MPPED2: variants seen among roughly 807,000 people sequenced by gnomAD.
The protein encoded by MPPED2 is metallophosphoesterase domain containing 2.
Under a neutral mutation model 33.0 loss-of-function variants are expected in MPPED2, and 5 were observed. The ratio of observed to expected loss-of-function variants is 0.15; its 90% CI spans 0.08 to 0.32. The LOEUF (loss-of-function observed/expected upper bound fraction) is 0.32, where lower values mean the gene tolerates loss of function less well. Among genes scored for constraint, MPPED2 ranks in the 10% least tolerant of loss-of-function variants. The probability of loss-of-function intolerance (pLI) is 1.00; values close to 1 mark genes in which losing one functional copy is unlikely to be tolerated. For synonymous variants in MPPED2, 136 were observed against 141.9 expected, an observed-to-expected ratio of 0.96 and a Z score of 0.29; for missense variants, 275 against 372.1, an observed-to-expected ratio of 0.74 and a Z score of 2.15.
intron 4 of MPPED2, among the ~76,000 whole-genome samples, chr11:30,440,949 A>G (rs1427357363): frequency 6.6e-6 from 1 of 152,204 alleles, no homozygotes; most frequent in African/African-American, 2.4e-5. Context: ...CATATATGTG[A>G]AATGCTGAGT....
intron 3 of MPPED2, among the ~76,000 whole-genome samples, chr11:30,535,575 T>C (rs1954765797): frequency 1.3e-5 from 2 of 152,186 alleles, no homozygotes; most frequent in Non-Finnish European, 2.9e-5. Context: ...AGGACTTTTA[T>C]AACCCCTTCA....
In MPPED2 at chr11:30,473,330, T is replaced by A. The variant is rs77165354; in HGVS notation, c.536+21966A>T. ...TAACAGTTTCGGTTTTGTCTTTTTA[T>A]CTGGTTTGCATTAGTAACCATGAAC... On this transcript the variant is annotated intron_variant, in intron 4 of 6. Coordinates refer to ENST00000358117, the MANE Select transcript of MPPED2 (RefSeq NM_001584.3). 5.6e-3 allele frequency among the ~76,000 whole-genome samples: 856 copies of A among 152,310 alleles called. 21 individuals are homozygous for A. The East Asian group carries it at 0.061, about 11-fold the overall frequency.
In MPPED2 at chr11:30,410,755, T is replaced by G; in HGVS notation, c.*713A>C. On this transcript the variant is annotated 3_prime_UTR_variant, in exon 7 of 7. Coordinates refer to ENST00000358117, the MANE Select transcript of MPPED2 (RefSeq NM_001584.3). The stretch of plus-strand genomic sequence containing the variant: ...TGAAAAGGAGTCTGCATGTTCATTT[T>G]TTTAACCGTATGAAATACCTGCTCT... 1 of 985,030 alleles carries G rather than the reference T, an allele frequency of 1.0e-6. No individual in the cohort carries two copies. The highest frequency in any genetic ancestry group is 1.2e-6 in the Non-Finnish European group (1 of 829,154). The allele number at this position is 985,030 out of a possible 1,614,324, so 61.0% of individuals were successfully genotyped here.
chr11:30,571,129 T>TC lies in MPPED2; in HGVS notation c.128+9116dup, dbSNP rs534841360. On this transcript the variant is annotated intron_variant, in intron 2 of 6. Coordinates refer to ENST00000358117, the MANE Select transcript of MPPED2 (RefSeq NM_001584.3). ...TGAAAAAGTTATCTGTTCCCTATAT[T>TC]CCATGGTGATGTTAGCTTTCTTTTT... Among the ~76,000 whole-genome samples the TC allele has an allele frequency of 3.1e-3, 465 of 151,896 alleles. 4 individuals carry two copies. The highest frequency in any genetic ancestry group is 4.5e-3 in the Non-Finnish European group (309 of 67,934).
intron 4 of MPPED2, chr11:30,429,358 G>T (rs1948980825): frequency 1.3e-5 from 2 of 152,290 alleles, no homozygotes; most frequent in Admixed American, 1.3e-4. Flanking sequence ...TGACAAGGAG[G>T]TCAGATGTAA....
At chr11:30,551,954 C>T (rs1400724145) in intron 2 of MPPED2, among the ~76,000 whole-genome samples, 1 of 152,152 alleles carries the variant, frequency 6.6e-6, no homozygotes. Flanking sequence ...TCTGCCTCTG[C>T]AAAATTTCTC....
At chr11:30,388,929 A>C in exon 7 of MPPED2, 1 of 1,566,234 alleles carries the variant, frequency 6.4e-7, no homozygotes, top group Admixed American at 1.9e-5. Flanking sequence ...TTTTGTCCTC[A>C]GTGCCTTGGA....
At chr11:30,506,449 A>G (rs1952831350) in intron 3 of MPPED2, among the ~76,000 whole-genome samples, 1 of 152,256 alleles carries the variant, frequency 6.6e-6, no homozygotes, top group Admixed American at 6.5e-5. Flanking sequence ...TTTAATAAAT[A>G]TCTTTAATAA....
At chr11:30,476,085 G>A (rs1951181318) in intron 4 of MPPED2, among the ~76,000 whole-genome samples, 1 of 151,732 alleles carries the variant, frequency 6.6e-6, no homozygotes, top group Non-Finnish European at 1.5e-5. Context: ...ATTTTTTATT[G>A]GGGTGTTTGT....
intron 4 of MPPED2, among the ~76,000 whole-genome samples, chr11:30,462,936 A>G (rs1425638865): frequency 6.6e-6 from 1 of 152,220 alleles, no homozygotes; most frequent in Non-Finnish European, 1.5e-5. Flanking sequence ...CAGAAGGGGA[A>G]CAGTTGGGAA....
intron 4 of MPPED2, among the ~76,000 whole-genome samples, chr11:30,491,421 C>T (rs1197559388): frequency 2.0e-5 from 3 of 152,184 alleles, no homozygotes; most frequent in African/African-American, 4.8e-5. Context: ...AGGGCTAAAA[C>T]TTATCTAATC....
At chr11:30,558,868 A>G (rs1956109738) in intron 2 of MPPED2, among the ~76,000 whole-genome samples, 1 of 152,108 alleles carries the variant, frequency 6.6e-6, no homozygotes, top group Non-Finnish European at 1.5e-5. Flanking sequence ...TTCTTTTCAA[A>G]TAGTCCACAA....
At chr11:30,389,507 G>A (rs1947744808) in intron 6 of MPPED2, among the ~76,000 whole-genome samples, 1 of 152,152 alleles carries the variant, frequency 6.6e-6, no homozygotes, top group South Asian at 2.1e-4. Context: ...AATGTATGCT[G>A]GTGGTTATGA....
At chr11:30,407,066 C>T (rs2063358066), downstream of MPPED2, among the ~76,000 whole-genome samples, 1 of 152,194 alleles carries the variant, frequency 6.6e-6, no homozygotes, top group Non-Finnish European at 1.5e-5. Context: ...ATCCCAAATC[C>T]TCCCAGCTTC....
chr11:30,388,938 G>A, exon 7 of MPPED2: 1 of 1,565,312 alleles, frequency 6.4e-7, no homozygotes, highest in Non-Finnish European at 8.7e-7. Flanking sequence ...CAGTGCCTTG[G>A]AGATGCTCAC....
At chr11:30,414,886 C>T (rs1033008232) in intron 5 of MPPED2, among the ~76,000 whole-genome samples, 4 of 152,120 alleles carry the variant, frequency 2.6e-5, no homozygotes, top group East Asian at 3.9e-4. Context: ...TCCTCTCCAG[C>T]GACAGGCAAA....
chr11:30,546,344 G>T (rs988542043), intron 2 of MPPED2, among the ~76,000 whole-genome samples: 4 of 152,010 alleles, frequency 2.6e-5, no homozygotes, highest in African/African-American at 9.7e-5. Context: ...ACACGAGCTT[G>T]TTTTTTTAAT....
At chr11:30,521,061 T>C (rs184347678) in intron 3 of MPPED2, among the ~76,000 whole-genome samples, 1 of 152,334 alleles carries the variant, frequency 6.6e-6, no homozygotes, top group African/African-American at 2.4e-5. Context: ...ATGGTGGTGG[T>C]AGTGCTAGTA....
intron 3 of MPPED2, among the ~76,000 whole-genome samples, chr11:30,507,882 G>A (rs745992816): frequency 6.6e-5 from 10 of 152,142 alleles, no homozygotes; most frequent in Non-Finnish European, 1.2e-4. Flanking sequence ...TAATTCCTCA[G>A]GAAGAAAGGA....
Sources: allele counts gnomAD v4.1 joint callset (sites outside exome capture counted in the v4.1 genomes callset), GRCh38; gene constraint gnomAD v4.1.1; transcripts MANE v1.5; gene names NCBI Gene and HGNC (gene_info 2026-07-23, HGNC 2026-07-21).